The following NDST3 variants were observed in gnomAD, a reference collection of about 807,000 sequenced individuals.
NDST3 encodes the protein N-deacetylase and N-sulfotransferase 3.
Under a neutral mutation model 96.1 loss-of-function variants are expected in NDST3, and 58 were observed. That is an observed-to-expected ratio of 0.60 (90% confidence interval 0.49 to 0.75). The LOEUF (loss-of-function observed/expected upper bound fraction) is 0.75. Among genes scored for constraint, NDST3 ranks in the 30% least tolerant of loss-of-function variants. The probability of loss-of-function intolerance (pLI) is 0.00; values close to 1 mark genes in which losing one functional copy is unlikely to be tolerated. For synonymous variants in NDST3, 333 were observed against 359.7 expected (o/e 0.93, Z 0.84); for missense variants, 788 against 1,034.2 (o/e 0.76, Z 3.27).
chr4:118,162,066 G>A (rs557955685), intron 6 of NDST3, among the ~76,000 whole-genome samples: 5 of 152,252 alleles, frequency 3.3e-5, no homozygotes, highest in Admixed American at 2.0e-4. Flanking sequence ...CCTCTTCAAG[G>A]AGAACTACAA....
intron 10 of NDST3, among the ~76,000 whole-genome samples, chr4:118,238,163 GAAAGAAAGAAAGAAA>G (rs1560738644): frequency 0.017 from 657 of 37,904 alleles, 13 homozygotes; most frequent in Admixed American, 0.023. Context: ...AGAAAAGAAA[GAAAGAAAGAAAGAAA>G]GAAAGAAAGA....
Position 118,170,924 on chromosome 4 carries a change from C to T in NDST3, c.1539+27240C>T, listed in dbSNP as rs916561716. ...TCTGCTCACAACCCTCCAATCTTCT[C>T]TCTTCGGAGTAGAAGGCAGGCTGCT... On this transcript the variant is annotated intron_variant, in intron 6 of 13. Transcript: ENST00000296499. Among the ~76,000 whole-genome samples the T allele has an allele frequency of 2.6e-5, 4 of 152,150 alleles. No individual in the cohort carries two copies. The East Asian group carries it at 7.7e-4, about 29-fold the overall frequency.
intron 2 of NDST3, among the ~76,000 whole-genome samples, chr4:118,082,046 G>GT (rs1728064817): frequency 6.6e-6 from 1 of 152,150 alleles, no homozygotes; most frequent in Non-Finnish European, 1.5e-5. Context: ...ATTTCAAGCA[G>GT]TATGTTTTCT....
At chr4:118,204,080 C>T (rs1025281168) in intron 6 of NDST3, among the ~76,000 whole-genome samples, 5 of 152,086 alleles carry the variant, frequency 3.3e-5, no homozygotes, top group South Asian at 2.1e-4. Context: ...AACCTAGTTT[C>T]GATCAGAAAT....
At chr4:118,244,809 GA>G (rs1477173028) in intron 12 of NDST3, among the ~76,000 whole-genome samples, 2 of 152,054 alleles carry the variant, frequency 1.3e-5, no homozygotes, top group Non-Finnish European at 2.9e-5. Context: ...GACTTTTAAA[GA>G]TATACAAAGT....
chr4:118,194,884 G>A (rs1054734654), intron 6 of NDST3: 14 of 250,880 alleles, frequency 5.6e-5, no homozygotes, highest in African/African-American at 3.2e-4. Flanking sequence ...ATGGAGGCTG[G>A]AGCACCTCTG....
At chr4:118,052,759 G>A (rs919609328) in intron 1 of NDST3, among the ~76,000 whole-genome samples, 2 of 151,904 alleles carry the variant, frequency 1.3e-5, no homozygotes, top group African/African-American at 2.4e-5. Flanking sequence ...AGTGTGCTGT[G>A]ATACCAGAGG....
intron 2 of NDST3, among the ~76,000 whole-genome samples, chr4:118,073,159 T>C (rs1727221971): frequency 6.6e-6 from 1 of 152,158 alleles, no homozygotes; most frequent in African/African-American, 2.4e-5. Flanking sequence ...TGCTTCTGTG[T>C]TCATCCTGGA....
chr4:118,199,633 G>A (rs75672123), intron 6 of NDST3, among the ~76,000 whole-genome samples: 1 of 152,026 alleles, frequency 6.6e-6, no homozygotes, highest in Non-Finnish European at 1.5e-5. Flanking sequence ...GTTCATTTGT[G>A]TCTGGCCATT....
chr4:118,065,212 A>G (rs2110475672), intron 2 of NDST3, among the ~76,000 whole-genome samples: 1 of 152,228 alleles, frequency 6.6e-6, no homozygotes, highest in South Asian at 2.1e-4. Flanking sequence ...TCATGCTACA[A>G]TTCTTACAAC....
At chr4:118,089,398 G>A (rs1316228874) in intron 2 of NDST3, among the ~76,000 whole-genome samples, 1 of 151,892 alleles carries the variant, frequency 6.6e-6, no homozygotes, top group East Asian at 1.9e-4. Flanking sequence ...GACTTCTGGT[G>A]TCACTAAAAG....
rs143004774 is a variant in NDST3, at chr4:118,059,485, G to A, written c.981+4594G>A. On this transcript the variant is annotated intron_variant, in intron 2 of 13. Transcript: ENST00000296499. ...TAGAGAAAAGAAAGTGCTGAAAATA[G>A]AAGTGGGAAGCTAGAAAACTGTGAA... Among the ~76,000 whole-genome samples, 7 of 152,196 alleles carry A rather than the reference G, an allele frequency of 4.6e-5. No homozygotes were observed. The East Asian group carries it at 1.4e-3, about 29-fold the overall frequency.
At chr4:118,158,449 A>G (rs11943650) in intron 6 of NDST3, among the ~76,000 whole-genome samples, 4,249 of 152,306 alleles carry the variant, frequency 0.028, 214 homozygotes, top group African/African-American at 0.097. Flanking sequence ...AGACATACTC[A>G]AAGTATGAAA....
chr4:118,163,735 A>G (rs1436768715), intron 6 of NDST3, among the ~76,000 whole-genome samples: 1 of 152,138 alleles, frequency 6.6e-6, no homozygotes, highest in Non-Finnish European at 1.5e-5. Context: ...CATATACCCT[A>G]AAACTTAAAG....
chr4:118,242,291 A>G (rs901323534), intron 12 of NDST3, 142 bp downstream of exon 12: 11 of 558,964 alleles, frequency 2.0e-5, no homozygotes, highest in Admixed American at 1.3e-4. Flanking sequence ...CACGGAAAAA[A>G]AAAACATTTC....
intron 4 of NDST3, among the ~76,000 whole-genome samples, chr4:118,133,492 A>G (rs1578701099): frequency 6.6e-6 from 1 of 152,194 alleles, no homozygotes; most frequent in East Asian, 1.9e-4. Flanking sequence ...AACCCTCCTC[A>G]ATGCCATTTT....
At chr4:118,047,455 G>C (rs1724834924) in intron 1 of NDST3, among the ~76,000 whole-genome samples, 1 of 152,188 alleles carries the variant, frequency 6.6e-6, no homozygotes, top group Non-Finnish European at 1.5e-5. Flanking sequence ...TGGATGGCAA[G>C]AAAGGTTGAG....
In NDST3 at chr4:118,119,029, C is replaced by T. The variant is rs114357058; in HGVS notation, c.1224+4069C>T. On this transcript the variant is annotated intron_variant, in intron 4 of 13. Transcript: ENST00000296499. Reference sequence around the variant, plus strand: ...AGAACTCTGCCAATATCAGATGATACTTAATGCTTTTATAGACAATACTAT... The same window carrying T: ...AGAACTCTGCCAATATCAGATGATATTTAATGCTTTTATAGACAATACTAT... Among the ~76,000 whole-genome samples the T allele has an allele frequency of 6.6e-3, 1,008 of 152,168 alleles. 8 individuals carry two copies. Among genetic ancestry groups the T allele is most frequent in the African/African-American group, 0.023 (966 of 41,538 alleles).
chr4:118,134,029 T>C (rs1732865294), intron 4 of NDST3, among the ~76,000 whole-genome samples: 1 of 152,230 alleles, frequency 6.6e-6, no homozygotes, highest in Non-Finnish European at 1.5e-5. Flanking sequence ...GGAAAGCTAC[T>C]AAGAGAAGTT....
Sources: gnomAD v4.1 joint callset for allele counts (sites outside exome capture counted in the v4.1 genomes callset) on GRCh38, gnomAD v4.1.1 for gene constraint, MANE v1.5 for transcripts, NCBI Gene and HGNC (gene_info 2026-07-23, HGNC 2026-07-21) for gene names.